Variants in GALNT13 observed in about 807,000 individuals in gnomAD.
GALNT13 encodes the protein polypeptide N-acetylgalactosaminyltransferase 13.
Under a neutral mutation model 64.2 loss-of-function variants are expected in GALNT13, and 28 were observed. The ratio of observed to expected loss-of-function variants is 0.44; its 90% CI spans 0.32 to 0.60. The LOEUF is 0.60. Ranked by LOEUF, GALNT13 falls within the 20% of genes least tolerant of loss-of-function variation. GALNT13 has a pLI of 0.05. For synonymous variants in GALNT13, 214 were observed against 224.6 expected (o/e 0.95, Z 0.42); for missense variants, 577 against 669.8 (o/e 0.86, Z 1.53).
At chr2:153,594,081 A>G in the GALNT13 span, among the ~76,000 whole-genome samples, 1 of 152,188 alleles carries the variant, frequency 6.6e-6, no homozygotes, top group Non-Finnish European at 1.5e-5. Flanking sequence ...TATAAAGTCA[A>G]ACCTAACTTT....
chr2:153,956,162 C>G (rs1692554393), intron 3 of GALNT13, among the ~76,000 whole-genome samples: 1 of 152,186 alleles, frequency 6.6e-6, no homozygotes, highest in Non-Finnish European at 1.5e-5. Context: ...GGAGAAAACA[C>G]TGTTCCCACA....
the GALNT13 span, among the ~76,000 whole-genome samples, chr2:153,600,750 T>C: frequency 6.6e-6 from 1 of 152,042 alleles, no homozygotes; most frequent in South Asian, 2.1e-4. Context: ...TTCTCAGTAT[T>C]TTGGGTGGTA....
intron 4 of GALNT13, among the ~76,000 whole-genome samples, chr2:154,176,341 C>T (rs1308949830): frequency 1.3e-5 from 2 of 151,158 alleles, no homozygotes; most frequent in Non-Finnish European, 2.9e-5. Flanking sequence ...GTGGCGCGAT[C>T]TTGGCTCACT....
At chr2:153,588,078 A>C in the GALNT13 span, among the ~76,000 whole-genome samples, 5 of 152,264 alleles carry the variant, frequency 3.3e-5, no homozygotes, top group South Asian at 8.3e-4. Flanking sequence ...GCTGATGCAA[A>C]AGATGGTTCT....
chr2:153,870,108 C>T (rs1471831062), upstream of GALNT13, among the ~76,000 whole-genome samples: 3 of 151,664 alleles, frequency 2.0e-5, no homozygotes, highest in African/African-American at 4.8e-5. Flanking sequence ...GGGCAGAAAC[C>T]AACCTGACAA....
At chr2:153,987,540 A>G (rs965153931) in intron 3 of GALNT13, among the ~76,000 whole-genome samples, 1 of 151,938 alleles carries the variant, frequency 6.6e-6, no homozygotes, top group Admixed American at 6.6e-5. Context: ...ATGTTCCCAT[A>G]GTAAAGCCTA....
chr2:153,835,418 C>T, the GALNT13 span, among the ~76,000 whole-genome samples: 1 of 151,938 alleles, frequency 6.6e-6, no homozygotes, highest in Non-Finnish European at 1.5e-5. Flanking sequence ...TTCAAAGCAT[C>T]TGATGCAATA....
the GALNT13 span, chr2:153,478,442 C>G: frequency 6.2e-7 from 1 of 1,613,894 alleles, no homozygotes; most frequent in Non-Finnish European, 8.5e-7. Context: ...CCTCCCTCCG[C>G]GAAGCCGTCG....
At chr2:154,379,269 C>G (rs190172433) in intron 9 of GALNT13, among the ~76,000 whole-genome samples, 26 of 152,084 alleles carry the variant, frequency 1.7e-4, no homozygotes, top group African/African-American at 5.8e-4. Flanking sequence ...ATAAAATAAA[C>G]TCACCTTGTA....
At chr2:153,936,716 A>C (rs1450689862) in intron 2 of GALNT13, among the ~76,000 whole-genome samples, 8 of 152,014 alleles carry the variant, frequency 5.3e-5, no homozygotes, top group African/African-American at 1.7e-4. Context: ...AAGATATCTA[A>C]TTAAATTTAA....
At chr2:154,056,518 T>A (rs964570502) in intron 3 of GALNT13, among the ~76,000 whole-genome samples, 2 of 152,170 alleles carry the variant, frequency 1.3e-5, no homozygotes, top group Non-Finnish European at 2.9e-5. Context: ...TGAGTTTTTT[T>A]ATTCTTTCTT....
the GALNT13 span, among the ~76,000 whole-genome samples, chr2:153,506,229 A>G: frequency 6.6e-6 from 1 of 151,894 alleles, no homozygotes; most frequent in Non-Finnish European, 1.5e-5. Flanking sequence ...GGTTTACGTG[A>G]GTCTTTATGT....
the GALNT13 span, among the ~76,000 whole-genome samples, chr2:153,753,020 C>G: frequency 6.6e-6 from 1 of 152,106 alleles, no homozygotes; most frequent in Non-Finnish European, 1.5e-5. Flanking sequence ...TTTATCATTT[C>G]TACTATTAAA....
the GALNT13 span, among the ~76,000 whole-genome samples, chr2:153,585,452 G>T: frequency 6.6e-6 from 1 of 152,166 alleles, no homozygotes; most frequent in African/African-American, 2.4e-5. Context: ...ACACACTCAT[G>T]AATTATTTGT....
chr2:153,663,700 G>A, the GALNT13 span, among the ~76,000 whole-genome samples: 2 of 152,160 alleles, frequency 1.3e-5, no homozygotes, highest in African/African-American at 4.8e-5. Context: ...GCTGACATTA[G>A]AGTTCTCCTT....
intron 11 of GALNT13, among the ~76,000 whole-genome samples, chr2:154,429,582 A>G (rs754590372): frequency 2.0e-5 from 3 of 152,224 alleles, no homozygotes; most frequent in Non-Finnish European, 4.4e-5. Context: ...TGAAGTAGCA[A>G]GTGCTGAGGG....
intron 4 of GALNT13, among the ~76,000 whole-genome samples, chr2:154,228,507 G>T (rs1169748302): frequency 6.6e-6 from 1 of 152,116 alleles, no homozygotes; most frequent in Non-Finnish European, 1.5e-5. Flanking sequence ...CCCTGGATGT[G>T]GTCCCTGCTA....
intron 4 of GALNT13, among the ~76,000 whole-genome samples, chr2:154,175,355 A>G (rs144744573): frequency 1.3e-3 from 198 of 152,312 alleles, no homozygotes; most frequent in African/African-American, 4.6e-3. Context: ...AGATCACATA[A>G]CAAGACACTT....
intron 8 of GALNT13, among the ~76,000 whole-genome samples, chr2:154,285,261 C>T (rs1168752278): frequency 6.6e-6 from 1 of 152,070 alleles, no homozygotes; most frequent in Non-Finnish European, 1.5e-5. Context: ...GTTGCCTATA[C>T]TTTTGGAGTC....
Sources: gnomAD v4.1 joint callset for allele counts (sites outside exome capture counted in the v4.1 genomes callset) on GRCh38, gnomAD v4.1.1 for gene constraint, MANE v1.5 for transcripts, NCBI Gene and HGNC (gene_info 2026-07-23, HGNC 2026-07-21) for gene names.